The following KAZN variants were observed in gnomAD, a reference collection of about 807,000 sequenced individuals.
The protein encoded by KAZN is kazrin.
KAZN carries 40 observed loss-of-function variants against 87.4 expected under a neutral mutation model. That is an observed-to-expected ratio of 0.46 (90% CI 0.36 to 0.60). The LOEUF (loss-of-function observed/expected upper bound fraction) is 0.60. KAZN is among the 20% of genes least tolerant of loss of function. The pLI, the probability that KAZN is intolerant of heterozygous loss-of-function variation, is 0.00. For missense variants in KAZN, 898 were observed against 1,073.9 expected (o/e 0.84, Z 2.29); for synonymous variants, 466 against 458.3 (o/e 1.02, Z -0.22).
Position 14,743,714 on chromosome 1 carries a change from G to T in KAZN, c.226+144491G>T, listed in dbSNP as rs532346425. Among the ~76,000 whole-genome samples, 14 of 152,222 alleles carry T rather than the reference G, an allele frequency of 9.2e-5. 1 individual carries two copies. The South Asian group carries it at 2.7e-3, about 29-fold the overall frequency. On this transcript the variant is annotated intron_variant, in intron 1 of 14. Coordinates refer to ENST00000376030, the MANE Select transcript of KAZN (RefSeq NM_201628.3). ...GGTTCCCAGCAGATTGTCTGGTGGG[G>T]TCCTCCTCACCCTCCACTACTCCCT...
At chr1:13,990,611 T>A (rs1639232617) in intron 1 of KAZN, among the ~76,000 whole-genome samples, 1 of 152,164 alleles carries the variant, frequency 6.6e-6, no homozygotes, top group Non-Finnish European at 1.5e-5. Context: ...TTGGGTTACA[T>A]AGGTGCACAC....
At chr1:14,054,457 G>A (rs1642467204) in intron 1 of KAZN, among the ~76,000 whole-genome samples, 2 of 152,086 alleles carry the variant, frequency 1.3e-5, no homozygotes, top group South Asian at 4.1e-4. Context: ...GATGAGATGA[G>A]GACAGGATGA....
chr1:14,885,116 A>C (rs1429438944), intron 1 of KAZN, among the ~76,000 whole-genome samples: 5 of 152,234 alleles, frequency 3.3e-5, no homozygotes, highest in African/African-American at 1.2e-4. Context: ...TTTAACAAGA[A>C]ATCAAGAATC....
intron 1 of KAZN, among the ~76,000 whole-genome samples, chr1:14,013,379 C>G (rs1454393968): frequency 6.6e-6 from 1 of 152,140 alleles, no homozygotes; most frequent in Admixed American, 6.5e-5. Flanking sequence ...AACAGTGAAG[C>G]CTTGCGATGA....
chr1:14,944,381 C>T (rs372255399), intron 1 of KAZN, among the ~76,000 whole-genome samples: 23 of 152,322 alleles, frequency 1.5e-4, no homozygotes, highest in Admixed American at 1.2e-3. Context: ...GGCCTGATGC[C>T]GGGGAGACAC....
At chr1:14,016,836 C>T (rs973970131) in intron 1 of KAZN, among the ~76,000 whole-genome samples, 1 of 152,062 alleles carries the variant, frequency 6.6e-6, no homozygotes, top group Admixed American at 6.5e-5. Context: ...GGGGATTTGC[C>T]TTTGTGCTGC....
In KAZN at chr1:15,105,701, C is replaced by A. The variant is rs1008603047; in HGVS notation, c.2048+1512C>A. On this transcript the variant is annotated intron_variant, in intron 13 of 14. Coordinates refer to ENST00000376030, the MANE Select transcript of KAZN (RefSeq NM_201628.3). ...TCCTTAGGGAGCAGCTGGGCCACTC[C>A]CCATGTTATACAGGTGGGGAAACTG... 2.0e-5 allele frequency among the ~76,000 whole-genome samples: 3 copies of A among 152,072 alleles called. No individual in the cohort carries two copies. The South Asian group carries it at 6.2e-4, about 32-fold the overall frequency.
At chr1:13,992,191 C>A (rs1159345089) in intron 1 of KAZN, among the ~76,000 whole-genome samples, 1 of 152,214 alleles carries the variant, frequency 6.6e-6, no homozygotes, top group African/African-American at 2.4e-5. Context: ...AGACTGTAGG[C>A]ACCCCAAATA....
At chr1:14,107,018 C>T (rs1364559319) in intron 1 of KAZN, among the ~76,000 whole-genome samples, 4 of 113,608 alleles carry the variant, frequency 3.5e-5, no homozygotes, top group South Asian at 3.6e-4. Context: ...CCCTCCCCTC[C>T]CTCTCTCCCT....
chr1:14,552,059 G>C (rs552923030), intron 2 of KAZN, among the ~76,000 whole-genome samples: 1 of 151,892 alleles, frequency 6.6e-6, no homozygotes, highest in African/African-American at 2.4e-5. Context: ...AGATTTCTAG[G>C]AGTTGGTTCA....
chr1:14,448,738 G>GT (rs1310514500), intron 2 of KAZN, among the ~76,000 whole-genome samples: 3 of 152,178 alleles, frequency 2.0e-5, no homozygotes, highest in Non-Finnish European at 4.4e-5. Context: ...GGAGTTGGGC[G>GT]AGGGCAGGCA....
At chr1:14,340,887 C>CTTTTTTTTT (rs1557650364) in intron 2 of KAZN, among the ~76,000 whole-genome samples, 13 of 45,116 alleles carry the variant, frequency 2.9e-4, no homozygotes, top group African/African-American at 1.6e-3. Context: ...CATGATTTTC[C>CTTTTTTTTT]CTTTTTTTTT....
intron 1 of KAZN, among the ~76,000 whole-genome samples, chr1:13,972,291 T>C (rs1297468141): frequency 2.7e-5 from 4 of 148,446 alleles, no homozygotes; most frequent in African/African-American, 4.9e-5. Context: ...TTTTTTTTTT[T>C]GAGACACAGT....
At chr1:14,227,374 A>C (rs528066391) in intron 2 of KAZN, among the ~76,000 whole-genome samples, 2 of 152,114 alleles carry the variant, frequency 1.3e-5, no homozygotes, top group Non-Finnish European at 2.9e-5. Flanking sequence ...GGATGGGTCG[A>C]GTGCCAGGAC....
In KAZN at chr1:14,017,923, A is replaced by AGCCAG. The variant is rs373326086; in HGVS notation, c.91+124169_91+124173dup. ...TTTGGTCACCTGAATGCTGGAGAGC[A>AGCCAG]GCCAGGGTAATGATCATCATCATAA... On this transcript the variant is annotated intron_variant, in intron 1 of 16. Coordinates refer to the KAZN transcript ENST00000636203. Among the ~76,000 whole-genome samples the AGCCAG allele has an allele frequency of 8.4e-3, 1,282 of 152,316 alleles. 21 individuals are homozygous for AGCCAG. The highest frequency in any genetic ancestry group is 0.03 in the African/African-American group (1,229 of 41,562).
Position 15,116,251 on chromosome 1 carries a change from T to C in KAZN, c.*1616T>C, listed in dbSNP as rs943547910. 6.6e-6 allele frequency: 1 copy of C among 152,226 alleles called. No homozygotes were observed. Among genetic ancestry groups the C allele is most frequent in the African/African-American group, 2.4e-5 (1 of 41,450 alleles). The allele number at this position is 152,226 out of a possible 1,614,324, so 9.4% of individuals were successfully genotyped here. On this transcript the variant is annotated 3_prime_UTR_variant, in exon 15 of 15. Coordinates refer to ENST00000376030, the MANE Select transcript of KAZN (RefSeq NM_201628.3). ...CCAAGATTCACAACAGGTGTCAGCC[T>C]CTGAGAACCCTCAAAGCGTGTGTTC... is the stretch of plus-strand genomic sequence containing the variant.
chr1:15,009,284 A>G (rs1054417713), intron 2 of KAZN, among the ~76,000 whole-genome samples: 4 of 152,198 alleles, frequency 2.6e-5, no homozygotes, highest in Non-Finnish European at 4.4e-5. Flanking sequence ...CAGCAGTCAC[A>G]TTCCCCTCCC....
At chr1:14,715,628 G>A (rs761065022) in intron 1 of KAZN, among the ~76,000 whole-genome samples, 5 of 152,136 alleles carry the variant, frequency 3.3e-5, no homozygotes, top group African/African-American at 7.2e-5. Context: ...ATTTTTCTCC[G>A]AGGACCATAT....
intron 2 of KAZN, among the ~76,000 whole-genome samples, chr1:14,489,688 T>G (rs1252060604): frequency 6.6e-6 from 1 of 151,014 alleles, no homozygotes; most frequent in Non-Finnish European, 1.5e-5. Context: ...GAGCCTAGAT[T>G]GCACCACTGC....
Sources: gnomAD v4.1 joint callset for allele counts (sites outside exome capture counted in the v4.1 genomes callset) on GRCh38, gnomAD v4.1.1 for gene constraint, MANE v1.5 for transcripts, NCBI Gene and HGNC (gene_info 2026-07-23, HGNC 2026-07-21) for gene names.